VPS52: variants seen among roughly 807,000 people sequenced by gnomAD.
The protein encoded by VPS52 is VPS52 subunit of GARP complex, also known as vacuolar protein sorting-associated protein 52 homolog.
A neutral mutation model predicts 98.7 loss-of-function variants in VPS52; 56 were observed. The observed-to-expected ratio is 0.57, with a 90% CI of 0.46 to 0.71. VPS52 has a LOEUF of 0.71. VPS52 is among the 30% of genes least tolerant of loss of function. VPS52 has a pLI of 0.00. For synonymous variants in VPS52, 348 were observed against 346.4 expected, an observed-to-expected ratio of 1.00 and a Z score of -0.05; for missense variants, 742 against 925.9, an observed-to-expected ratio of 0.80 and a Z score of 2.58.
intron 17 of VPS52, among the ~76,000 whole-genome samples, chr6:33,257,799 G>C (rs1457401158): frequency 6.6e-6 from 1 of 152,154 alleles, no homozygotes; most frequent in Non-Finnish European, 1.5e-5. Flanking sequence ...CTTGAGGCCA[G>C]GAGTTTGAGA....
chr6:33,270,281 C>T lies in VPS52; in HGVS notation c.93G>A (p.Ala31=), dbSNP rs79966321. Residue 31 remains alanine, a splice_region_variant and synonymous_variant, in exon 2 of 20, where the codon GCG becomes GCA. Transcript: ENST00000445902. ...SDMEEEEGPL[A]GGPGLQEPLQ... Reference sequence around the variant, plus strand: ...GTGGTTCCTGGAGCCCAGGACCACCCGCCTGGAAAGGGATAAGTTAATGGG... The same window carrying T: ...GTGGTTCCTGGAGCCCAGGACCACCTGCCTGGAAAGGGATAAGTTAATGGG... 6,854 of 1,610,406 alleles carry T rather than the reference C, an allele frequency of 4.3e-3. 242 individuals carry two copies. In the African/African-American group the frequency reaches 0.075, roughly 18 times the overall value.
intron 17 of VPS52, among the ~76,000 whole-genome samples, chr6:33,258,355 C>T (rs1463733173): frequency 2.2e-5 from 3 of 137,602 alleles, no homozygotes; most frequent in African/African-American, 5.3e-5. Flanking sequence ...CATTGCACTC[C>T]AGCCTCGGCA....
chr6:33,257,634 C>T (rs1053354343), intron 17 of VPS52, among the ~76,000 whole-genome samples: 6 of 151,410 alleles, frequency 4.0e-5, no homozygotes, highest in South Asian at 2.1e-4. Flanking sequence ...CCCGTGACCT[C>T]GTAATCCACC....
rs772269556 is a variant in VPS52, at chr6:33,269,013, C to T, written c.548+1G>A. The T allele has an allele frequency of 1.9e-6, 3 of 1,611,942 alleles. No individual in the cohort carries two copies. Among genetic ancestry groups the T allele is most frequent in the South Asian group, 1.1e-5 (1 of 91,020 alleles). On this transcript the variant is annotated splice_donor_variant, in intron 6 of 19. Transcript: ENST00000445902. LOFTEE classifies it high-confidence loss of function. Reference sequence around the variant, plus strand: ...TATAACCCTTCAAACTGGTAACTCACGTGACCAGAGCAGAAGGCACCACCA... The same window carrying T: ...TATAACCCTTCAAACTGGTAACTCATGTGACCAGAGCAGAAGGCACCACCA...
At position 33,264,384 on chromosome 6, in the gene VPS52, C is replaced by T. The variant is rs1369582391; in HGVS notation, c.1514G>A (p.Arg505Gln). 4 of 1,613,946 alleles carry T rather than the reference C, an allele frequency of 2.5e-6. No homozygotes were observed. Among genetic ancestry groups the T allele is most frequent in the Admixed American group, 1.7e-5 (1 of 59,970 alleles). ...CTTGCCCTCCCTCACATAGTGGGGC[C>T]GAGTATCCAACCCCCCTAGGCGCTG... ...DPQRLGGLDTRPHYITRRYAE... is the reference protein window; with the variant it reads ...DPQRLGGLDTQPHYITRRYAE... The change falls in exon 14 of 20, where the codon CGG (arginine) becomes CAG (glutamine). Residue 505 changes from arginine (R) to glutamine (Q), a missense_variant. This residue lies in a region of VPS52 where 590 missense variants were observed against 793.3 expected (regional missense o/e 0.74). Transcript: ENST00000445902.
rs1327918772 is a variant in VPS52 at position 33,260,999 on chromosome 6, T to TA, written c.1794+2484dup. Among the ~76,000 whole-genome samples, 938 of 143,348 alleles carry TA rather than the reference T, an allele frequency of 6.5e-3. 10 individuals carry two copies. The highest frequency in any genetic ancestry group is 0.022 in the African/African-American group (859 of 39,256). The allele number at this position is 143,348 out of a possible 152,430, so 94.0% of individuals were successfully genotyped here. On this transcript the variant is annotated intron_variant, in intron 17 of 19. Transcript: ENST00000445902. ...GGGAGTCAGAGTGAGACTCCGTCTT[T>TA]AAAAAAAAAAAAGAATCATAAGATT... is the stretch of plus-strand genomic sequence containing the variant.
chr6:33,271,231 T>C, intron 1 of VPS52: 2 of 602,650 alleles, frequency 3.3e-6, no homozygotes, highest in East Asian at 2.7e-5. Context: ...GTGTGAGAAA[T>C]GATGGCACAG....
chr6:33,257,033 T>G (rs1763074388), intron 17 of VPS52, among the ~76,000 whole-genome samples: 1 of 151,448 alleles, frequency 6.6e-6, no homozygotes, highest in Admixed American at 6.6e-5. Flanking sequence ...TTCTTTAATT[T>G]TATTATTATT....
At chr6:33,261,628 C>T (rs1200787556) in intron 17 of VPS52, among the ~76,000 whole-genome samples, 14 of 152,104 alleles carry the variant, frequency 9.2e-5, no homozygotes, top group Admixed American at 9.2e-4. Context: ...GAAACTACTA[C>T]AAGAAAACAC....
chr6:33,269,231 T>A (rs1303127222), intron 5 of VPS52, 42 bp from the exon 6 acceptor site: 1 of 1,607,354 alleles, frequency 6.2e-7, no homozygotes, highest in African/African-American at 1.3e-5. Flanking sequence ...ATAGGGTTTG[T>A]AGGGGATAAG....
rs767659940 is a variant in VPS52, at chr6:33,264,827, C to T, written c.1355G>A (p.Arg452Gln). ...AVFLCIHIVL[R>Q]FRNIAAKRDV... is the part of the protein sequence containing the mutation. ...CCTCTTTGCTGCAATGTTACGGAAC[C>T]GGAGAACAATGTGGATACAGAGAAA... is the stretch of plus-strand genomic sequence containing the variant. Residue 452 changes from arginine to glutamine, a missense_variant, in exon 13 of 20, where the codon CGG (arginine) becomes CAG (glutamine). Transcript: ENST00000445902. The T allele has an allele frequency of 1.2e-5, 20 of 1,612,886 alleles. No individual in the cohort carries two copies. The highest frequency in any genetic ancestry group is 1.0e-4 in the Admixed American group (6 of 59,992).
In VPS52 at chr6:33,268,517, G is replaced by A. The variant is rs753330805; in HGVS notation, c.681C>T (p.Leu227=). 40 of 1,606,162 alleles carry A rather than the reference G, an allele frequency of 2.5e-5. No individual in the cohort carries two copies. The highest frequency in any genetic ancestry group is 1.1e-4 in the South Asian group (10 of 90,682). The part of the protein sequence containing the change: ...TAACADVRGV[L]DRLRVKAVTK... Reference sequence around the variant, plus strand: ...TTCCCACCTTGACCCGGAGCCGATCGAGCACGCCTCTGACATCTGCGCAGG... The same window carrying A: ...TTCCCACCTTGACCCGGAGCCGATCAAGCACGCCTCTGACATCTGCGCAGG... Residue 227 remains leucine (L), a synonymous_variant, in exon 7 of 20, where the codon CTC becomes CTT. Coordinates refer to ENST00000445902, the MANE Select transcript of VPS52 (RefSeq NM_022553.6). The surrounding 1 kb of genome is among the most constrained non-coding windows in gnomAD (Gnocchi z 4.0).
In VPS52 at chr6:33,271,631, C is replaced by A; in HGVS notation, c.45G>T (p.Val15=). The change falls in exon 1 of 20, where the codon GTG becomes GTT. Residue 15 remains valine, a synonymous_variant. Transcript: ENST00000445902. Reference sequence around the variant, plus strand: ...CCATATCTGAGGTCCCAGCCCGCAACACCAGTTCCCGGGCCGCAGCCGCCA... The same window carrying A: ...CCATATCTGAGGTCCCAGCCCGCAAAACCAGTTCCCGGGCCGCAGCCGCCA... The part of the protein sequence containing the change: ...ATMAAAAREL[V]LRAGTSDMEE... 2 of 1,611,718 alleles carry A rather than the reference C, an allele frequency of 1.2e-6. No homozygotes were observed. The highest frequency in any genetic ancestry group is 1.7e-6 in the Non-Finnish European group (2 of 1,178,806).
chr6:33,253,531 G>A (rs1048895763), intron 17 of VPS52, among the ~76,000 whole-genome samples: 6 of 151,672 alleles, frequency 4.0e-5, no homozygotes, highest in Admixed American at 4.0e-4. Context: ...AAATAACTGG[G>A]AAAATCTGAA....
chr6:33,266,845 G>T, intron 11 of VPS52, 133 bp from the exon 12 acceptor site: 2 of 1,228,756 alleles, frequency 1.6e-6, no homozygotes, highest in East Asian at 5.1e-5. Context: ...TCTAGGTCCG[G>T]GCTGTCTAAG....
At chr6:33,271,880 C>T (rs1034600140), upstream of VPS52, 27 of 1,223,682 alleles carry the variant, frequency 2.2e-5, no homozygotes, top group African/African-American at 3.7e-4. Flanking sequence ...ACAAACTAGC[C>T]CCGGAACCTT....
Position 33,250,435 on chromosome 6 carries a change from C to A in VPS52, c.*406G>T. 5.5e-6 allele frequency: 1 copy of A among 182,112 alleles called. No individual in the cohort carries two copies. Among genetic ancestry groups the A allele is most frequent in the Admixed American group, 6.2e-5 (1 of 16,218 alleles). The allele number at this position is 182,112 out of a possible 1,614,324, so 11.3% of individuals were successfully genotyped here. A position where few individuals can be genotyped will look rare whatever the true frequency, so the allele number is the denominator to read the frequency against. On this transcript the variant is annotated 3_prime_UTR_variant, in exon 20 of 20. Transcript: ENST00000445902. The stretch of plus-strand genomic sequence containing the variant: ...ACACAATGACTCAGAGGCAGTCACC[C>A]CTTGCCAGCAATTCCAAGAGCTGAG...
chr6:33,270,536 TA>T (rs111462775), intron 1 of VPS52, among the ~76,000 whole-genome samples: 129 of 152,284 alleles, frequency 8.5e-4, no homozygotes, highest in African/African-American at 2.7e-3. Flanking sequence ...GGGCTCCTTG[TA>T]GTCCCAACTA....
chr6:33,260,519 C>T (rs946766918), intron 17 of VPS52, among the ~76,000 whole-genome samples: 1 of 152,148 alleles, frequency 6.6e-6, no homozygotes, highest in Non-Finnish European at 1.5e-5. Flanking sequence ...TGGCAAAAGT[C>T]ACCATCAAAC....
Sources: gnomAD v4.1 joint callset for allele counts (sites outside exome capture counted in the v4.1 genomes callset) on GRCh38, gnomAD v4.1.1 for gene constraint, gnomAD v4.1.1 regional missense constraint, Gnocchi (gnomAD v3.1) non-coding constraint, MANE v1.5 for transcripts, NCBI Gene and HGNC (gene_info 2026-07-23, HGNC 2026-07-21) for gene names.